ALPK2: variants seen among roughly 807,000 people sequenced by gnomAD.
ALPK2 encodes alpha-protein kinase 2.
A neutral mutation model predicts 163.1 loss-of-function variants in ALPK2; 127 were observed. The ratio of observed to expected loss-of-function variants is 0.78; its 90% CI spans 0.67 to 0.90. The LOEUF is 0.90. Among genes scored for constraint, ALPK2 ranks in the 40% least tolerant of loss-of-function variants. ALPK2 has a pLI of 0.00. For synonymous variants in ALPK2, 953 were observed against 959.1 expected, an observed-to-expected ratio of 0.99 and a Z score of 0.12; for missense variants, 2,360 against 2,589.6, an observed-to-expected ratio of 0.91 and a Z score of 1.92.
Position 58,526,726 on chromosome 18 carries a change from C to T in ALPK2, c.5501+2365G>A, listed in dbSNP as rs541512907. Reference sequence around the variant, plus strand: ...ACCACTTTCTTCTTCTTGGTTTCTTCGAAGTATATTAGTCTTGCCCTACCC... The same window carrying T: ...ACCACTTTCTTCTTCTTGGTTTCTTTGAAGTATATTAGTCTTGCCCTACCC... On this transcript the variant is annotated intron_variant, in intron 6 of 12. Coordinates refer to ENST00000361673, the MANE Select transcript of ALPK2 (RefSeq NM_052947.4). Among the ~76,000 whole-genome samples, 27 of 152,260 alleles carry T rather than the reference C, an allele frequency of 1.8e-4. No homozygotes were observed. In the South Asian group the frequency reaches 3.7e-3, roughly 21 times the overall value.
intron 4 of ALPK2, among the ~76,000 whole-genome samples, chr18:58,541,431 C>G (rs1304255984): frequency 3.3e-5 from 5 of 152,258 alleles, no homozygotes; most frequent in South Asian, 2.1e-4. Context: ...GGCCCCACCT[C>G]CAACATTGGG....
rs143525241 is a variant in ALPK2, at chr18:58,579,352, G to T, written c.1424C>A (p.Ala475Glu). 1.5e-5 allele frequency: 25 copies of T among 1,614,066 alleles called. No homozygotes were observed. The African/African-American group carries it at 3.2e-4, about 21-fold the overall frequency. ...ATTGTCACTGGCAAATTCCTCTCTT[G>T]CTTGGTGGCTGTCTCTGGTTTCTCC... ...IQGETRDSHQ[A>E]REEFASDNLL... is the part of the protein sequence containing the mutation. Residue 475 changes from alanine to glutamate, a missense_variant, in exon 4 of 13, where the codon GCA (alanine) becomes GAA (glutamate). Transcript: ENST00000361673.
At chr18:58,533,658 G>A (rs2051627882) in intron 5 of ALPK2, among the ~76,000 whole-genome samples, 1 of 151,998 alleles carries the variant, frequency 6.6e-6, no homozygotes, top group South Asian at 2.1e-4. Context: ...GTTTCGCCAT[G>A]TTGCTCAGGC....
Position 58,481,627 on chromosome 18 carries a change from T to A in ALPK2, c.*196A>T. 1.7e-6 allele frequency: 1 copy of A among 599,058 alleles called. No homozygotes were observed. Among genetic ancestry groups the A allele is most frequent in the South Asian group, 2.1e-5 (1 of 48,442 alleles). The allele number at this position is 599,058 out of a possible 1,614,324, so 37.1% of individuals were successfully genotyped here. A position where few individuals can be genotyped will look rare whatever the true frequency, so the allele number is the denominator to read the frequency against. On this transcript the variant is annotated 3_prime_UTR_variant, in exon 13 of 13. Coordinates refer to ENST00000361673, the MANE Select transcript of ALPK2 (RefSeq NM_052947.4). ...TGATTCAATCTCCCCATAAACCTGGTCGCAAATCCTGTTCTGAAATCATTT... is the reference window on the plus strand; with the variant it reads ...TGATTCAATCTCCCCATAAACCTGGACGCAAATCCTGTTCTGAAATCATTT...
chr18:58,588,592 G>C, intron 3 of ALPK2, among the ~76,000 whole-genome samples: 1 of 151,964 alleles, frequency 6.6e-6, no homozygotes, highest in Non-Finnish European at 1.5e-5. Flanking sequence ...CTCAAACCCT[G>C]TCCACCGACA....
chr18:58,588,147 G>C (rs2051996499), intron 3 of ALPK2, among the ~76,000 whole-genome samples: 1 of 152,100 alleles, frequency 6.6e-6, no homozygotes, highest in Non-Finnish European at 1.5e-5. Flanking sequence ...TTTATTACAT[G>C]GGGTATTAAC....
At chr18:58,495,678 A>G (rs1025753152) in intron 12 of ALPK2, among the ~76,000 whole-genome samples, 1 of 152,098 alleles carries the variant, frequency 6.6e-6, no homozygotes, top group African/African-American at 2.4e-5. Context: ...GTTTTGGTAG[A>G]GAGTTGTTCT....
At chr18:58,506,265 C>T (rs1428072185) in intron 10 of ALPK2, among the ~76,000 whole-genome samples, 1 of 151,790 alleles carries the variant, frequency 6.6e-6, no homozygotes, top group Non-Finnish European at 1.5e-5. Flanking sequence ...CTATTGGGTG[C>T]CATGTTCACT....
intron 4 of ALPK2, among the ~76,000 whole-genome samples, chr18:58,576,242 C>T (rs62096294): frequency 0.2 from 29,646 of 151,972 alleles, 3,274 homozygotes; most frequent in East Asian, 0.42. Flanking sequence ...GGTGTGGTGG[C>T]GGGTGCCTGT....
At chr18:58,590,324 T>G (rs1377915276) in intron 3 of ALPK2, among the ~76,000 whole-genome samples, 1 of 152,196 alleles carries the variant, frequency 6.6e-6, no homozygotes, top group African/African-American at 2.4e-5. Flanking sequence ...GCATTCCACT[T>G]TCCAGTGAAA....
intron 2 of ALPK2, 91 bp downstream of exon 2, chr18:58,611,598 C>T: frequency 1.7e-6 from 2 of 1,146,952 alleles, no homozygotes; most frequent in East Asian, 2.4e-5. Context: ...GTAATTTTCC[C>T]AAATGATGTT....
chr18:58,611,779 GC>G lies in ALPK2; in HGVS notation c.18del (p.Gln8ArgfsTer27). 1.9e-6 allele frequency: 3 copies of G among 1,597,376 alleles called. No individual in the cohort carries two copies. Among genetic ancestry groups the G allele is most frequent in the Non-Finnish European group, 2.6e-6 (3 of 1,175,136 alleles). On this transcript the variant is annotated frameshift_variant, in exon 2 of 13. Transcript: ENST00000361673. LOFTEE classifies it high-confidence loss of function. ...AAAAAACACAGCGGGGGCCTCTGGG[GC>G]CCTTCGGAGTCTTTCATCCTTTCAT... MKDSE[G>X]PQRPPLCFLS...
At chr18:58,498,241 G>A (rs751026941) in intron 11 of ALPK2, 144 bp from the exon 12 acceptor site, 6 of 716,360 alleles carry the variant, frequency 8.4e-6, no homozygotes, top group South Asian at 5.1e-5. Context: ...TTTCATATAC[G>A]CATCCAGCTT....
At chr18:58,573,597 T>C (rs2051902142) in intron 4 of ALPK2, among the ~76,000 whole-genome samples, 1 of 138,560 alleles carries the variant, frequency 7.2e-6, no homozygotes, top group East Asian at 2.3e-4. Flanking sequence ...TAGAGGCATG[T>C]TGCCATTTTT....
intron 4 of ALPK2, among the ~76,000 whole-genome samples, chr18:58,575,001 G>A (rs1483515309): frequency 6.6e-6 from 1 of 152,044 alleles, no homozygotes; most frequent in Non-Finnish European, 1.5e-5. Context: ...ATCACCTGAG[G>A]TCGGGAGTTT....
At position 58,535,679 on chromosome 18, in the gene ALPK2, C is replaced by A. The variant is rs770469038; in HGVS notation, c.4508G>T (p.Arg1503Ile). The change falls in exon 5 of 13, where the codon AGA becomes ATA. Residue 1503 changes from arginine to isoleucine, a missense_variant. By Grantham distance (97) the Arg-to-Ile change is moderately conservative. Transcript: ENST00000361673. ...GCCTATGCTACATCCACTTGGAATTCTTTCACCGCCTTCGCTGGGTTGCAG... is the reference window on the plus strand; with the variant it reads ...GCCTATGCTACATCCACTTGGAATTATTTCACCGCCTTCGCTGGGTTGCAG... ...QVLQPSEGGERIPSGCSIGQI... is the reference protein window; with the variant it reads ...QVLQPSEGGEIIPSGCSIGQI... 2 of 1,614,264 alleles carry A rather than the reference C, an allele frequency of 1.2e-6. No homozygotes were observed. Among genetic ancestry groups the A allele is most frequent in the South Asian group, 2.2e-5 (2 of 91,084 alleles).
Position 58,578,733 on chromosome 18 carries a change from G to GACACACACACGCGCGCGCGCGCGCAC in ALPK2, c.1962+80_1962+81insGTGCGCGCGCGCGCGCGTGTGTGTGT, listed in dbSNP as rs777103869. On this transcript the variant is annotated intron_variant, in intron 4 of 12. Transcript: ENST00000361673. ...ATTGTGAATGTGAAGTAAAGGAAGA[G>GACACACACACGCGCGCGCGCGCGCAC]ACACACACACACACACACACACACA... The GACACACACACGCGCGCGCGCGCGCAC allele has an allele frequency of 2.6e-3, 1,365 of 533,264 alleles. 25 individuals are homozygous for GACACACACACGCGCGCGCGCGCGCAC. The highest frequency in any genetic ancestry group is 0.019 in the African/African-American group (845 of 44,956). The allele number at this position is 533,264 out of a possible 1,614,324, so 33.0% of individuals were successfully genotyped here. A position where few individuals can be genotyped will look rare whatever the true frequency, so the allele number is the denominator to read the frequency against.
At chr18:58,489,897 C>T (rs1331976963) in intron 12 of ALPK2, among the ~76,000 whole-genome samples, 1 of 151,514 alleles carries the variant, frequency 6.6e-6, no homozygotes. Flanking sequence ...GATATTGAGA[C>T]CATCCTGGCC....
chr18:58,547,849 G>A (rs139735611), intron 4 of ALPK2, among the ~76,000 whole-genome samples: 35 of 152,258 alleles, frequency 2.3e-4, no homozygotes, highest in East Asian at 1.9e-3. Context: ...TATTGTTTAC[G>A]TCCCACAAAC....
Sources: gnomAD v4.1 joint callset for allele counts (sites outside exome capture counted in the v4.1 genomes callset) on GRCh38, gnomAD v4.1.1 for gene constraint, MANE v1.5 for transcripts, NCBI Gene and HGNC (gene_info 2026-07-23, HGNC 2026-07-21) for gene names.